Variants in IL33 observed in about 807,000 individuals in gnomAD.
The protein encoded by IL33 is interleukin 33, also known as interleukin-33.
In IL33, 37 loss-of-function variants were observed where a neutral mutation model predicts 27.3. The ratio of observed to expected loss-of-function variants is 1.36; its 90% CI spans 1.04 to 1.78. The LOEUF is 1.78. Among genes scored for constraint, IL33 ranks in the 40% most tolerant of loss-of-function variants. The pLI is 0.00. For synonymous variants in IL33, 132 were observed against 102.9 expected, an observed-to-expected ratio of 1.28 and a Z score of -1.71; for missense variants, 406 against 311.4, an observed-to-expected ratio of 1.30 and a Z score of -2.29.
At chr9:6,228,140 T>C (rs1422196792) in intron 1 of IL33, among the ~76,000 whole-genome samples, 5 of 152,202 alleles carry the variant, frequency 3.3e-5, no homozygotes, top group Non-Finnish European at 7.4e-5. Context: ...AAACACTATA[T>C]AAGGGCTAAT....
intron 1 of IL33, among the ~76,000 whole-genome samples, chr9:6,240,240 G>C (rs1156924544): frequency 3.9e-5 from 6 of 152,104 alleles, no homozygotes; most frequent in African/African-American, 1.4e-4. Flanking sequence ...GTGCATTTTG[G>C]TTTTATGCAT....
At chr9:6,242,114 T>C (rs1002839807) in intron 2 of IL33, 1 of 166,398 alleles carries the variant, frequency 6.0e-6, no homozygotes, top group South Asian at 1.9e-4. Context: ...CAAAACCTTT[T>C]CCCTGATAAA....
chr9:6,233,297 AT>A (rs1451307703), intron 1 of IL33, among the ~76,000 whole-genome samples: 1 of 152,296 alleles, frequency 6.6e-6, no homozygotes, highest in East Asian at 1.9e-4. Context: ...GATTGAAGCC[AT>A]TTTATAAGAC....
At chr9:6,249,606 T>C (rs759462754) in intron 2 of IL33, among the ~76,000 whole-genome samples, 1 of 152,236 alleles carries the variant, frequency 6.6e-6, no homozygotes, top group African/African-American at 2.4e-5. Flanking sequence ...TAATTTGAAT[T>C]TGCATTTTGT....
At position 6,256,092 on chromosome 9, in the gene IL33, A is replaced by T. The variant is rs1587676610; in HGVS notation, c.737A>T (p.His246Leu). The T allele has an allele frequency of 6.2e-7, 1 of 1,613,340 alleles. No homozygotes were observed. The highest frequency in any genetic ancestry group is 8.5e-7 in the Non-Finnish European group (1 of 1,179,364). The change falls in exon 8 of 8, where the codon CAT becomes CTT. Residue 246 changes from histidine (H) to leucine (L), a missense_variant. Physicochemically the swap from His to Leu is moderately conservative, Grantham distance 99. Coordinates refer to ENST00000682010, the MANE Select transcript of IL33 (RefSeq NM_033439.4). ...PGVFIGVKDN[H>L]LALIKVDSSE... ...GTGTTTATAGGTGTAAAGGATAATCATCTTGCTCTGATTAAAGTAGACTCT... is the reference window on the plus strand; with the variant it reads ...GTGTTTATAGGTGTAAAGGATAATCTTCTTGCTCTGATTAAAGTAGACTCT...
rs149309439 is a variant in IL33, at chr9:6,222,616, C to G, written c.-12+6764C>G. Among the ~76,000 whole-genome samples the G allele has an allele frequency of 7.4e-4, 113 of 152,282 alleles. 1 individual carries two copies. The highest frequency in any genetic ancestry group is 2.5e-3 in the African/African-American group (102 of 41,564). ...CCTGCAAAAGTTATGCTTTCTGTAA[C>G]TTTAGTCTTGGCACAAGGAAAAACT... is the stretch of plus-strand genomic sequence containing the variant. On this transcript the variant is annotated intron_variant, in intron 1 of 7. Transcript: ENST00000682010.
intron 1 of IL33, 76 bp from the exon 2 acceptor site, chr9:6,241,608 A>T: frequency 2.6e-6 from 2 of 762,100 alleles, no homozygotes; most frequent in South Asian, 3.6e-5. Context: ...CCAATTTGGT[A>T]GTGAGCTAGC....
chr9:6,250,555 G>A lies in IL33; in HGVS notation c.173G>A (p.Cys58Tyr). Residue 58 changes from cysteine to tyrosine, a missense_variant, in exon 3 of 8, where the codon TGT becomes TAT. Transcript: ENST00000682010. ...RSGLMIKKEA[C>Y]YFRRETTKRP... The stretch of plus-strand genomic sequence containing the variant: ...GGCCTTATGATAAAAAAGGAGGCCT[G>A]TTACTTTAGGAGAGAAACCACCAAA... 2 of 1,613,976 alleles carry A rather than the reference G, an allele frequency of 1.2e-6. No individual in the cohort carries two copies. Among genetic ancestry groups the A allele is most frequent in the East Asian group, 2.2e-5 (1 of 44,862 alleles).
rs557243409 is a variant in IL33, at chr9:6,219,986, T to C, written c.-12+4134T>C. Among the ~76,000 whole-genome samples the C allele has an allele frequency of 1.3e-4, 20 of 152,344 alleles. 1 individual carries two copies. The East Asian group carries it at 3.7e-3, about 28-fold the overall frequency. On this transcript the variant is annotated intron_variant, in intron 1 of 7. Transcript: ENST00000682010. ...CATTTAGTGCATCTCTAATCCTCTTTGTGAAGCTATTTTCTTATTCAAAGT... is the reference window on the plus strand; with the variant it reads ...CATTTAGTGCATCTCTAATCCTCTTCGTGAAGCTATTTTCTTATTCAAAGT...
intron 1 of IL33, among the ~76,000 whole-genome samples, chr9:6,233,006 C>G (rs1185830332): frequency 1.3e-5 from 2 of 152,178 alleles, no homozygotes; most frequent in Admixed American, 6.5e-5. Flanking sequence ...TGTGGTAAAA[C>G]ATACATAATA....
intron 7 of IL33, among the ~76,000 whole-genome samples, 172 bp from the exon 8 acceptor site, chr9:6,255,796 C>T (rs1290911836): frequency 6.6e-6 from 1 of 152,098 alleles, no homozygotes; most frequent in East Asian, 1.9e-4. Flanking sequence ...CCCACTACCC[C>T]TCTGGCCCTC....
intron 1 of IL33, among the ~76,000 whole-genome samples, chr9:6,238,059 G>A (rs1157174130): frequency 1.3e-5 from 2 of 152,188 alleles, no homozygotes. Flanking sequence ...AAGAAAGGCT[G>A]AGTGTTTGGA....
At chr9:6,253,238 T>C (rs1377660681) in intron 5 of IL33, among the ~76,000 whole-genome samples, 2 of 152,154 alleles carry the variant, frequency 1.3e-5, no homozygotes, top group African/African-American at 2.4e-5. Flanking sequence ...TTGTGAAAGA[T>C]GGAAAGAGGG....
At chr9:6,252,347 T>C (rs1246807676) in intron 4 of IL33, among the ~76,000 whole-genome samples, 10 of 152,164 alleles carry the variant, frequency 6.6e-5, no homozygotes, top group Admixed American at 6.6e-4. Flanking sequence ...ATTATCATTT[T>C]CTATGGGTAT....
chr9:6,256,598 C>T lies in IL33; in HGVS notation c.*430C>T. The T allele has an allele frequency of 3.2e-6, 1 of 311,638 alleles. No individual in the cohort carries two copies. The highest frequency in any genetic ancestry group is 5.9e-6 in the Non-Finnish European group (1 of 170,898). The allele number at this position is 311,638 out of a possible 1,614,324, so 19.3% of individuals were successfully genotyped here. On this transcript the variant is annotated 3_prime_UTR_variant, in exon 8 of 8. Transcript: ENST00000682010. Reference sequence around the variant, plus strand: ...TTTCCACAGTTCCAAACGATAGGCTCAAACACTAGAGCTGCTAGTAAAAAG... The same window carrying T: ...TTTCCACAGTTCCAAACGATAGGCTTAAACACTAGAGCTGCTAGTAAAAAG...
chr9:6,224,309 G>A (rs1057172518), intron 1 of IL33, among the ~76,000 whole-genome samples: 10 of 152,164 alleles, frequency 6.6e-5, no homozygotes, highest in African/African-American at 2.4e-4. Context: ...TCTTATTAAT[G>A]TTTTATGTGT....
At chr9:6,250,624 G>A (rs1166970749) in intron 3 of IL33, 25 bp downstream of exon 3, 1 of 1,604,732 alleles carries the variant, frequency 6.2e-7, no homozygotes, top group South Asian at 1.1e-5. Context: ...ACATTCTCTG[G>A]CAATAGTGAT....
At chr9:6,228,150 T>C (rs1439717646) in intron 1 of IL33, among the ~76,000 whole-genome samples, 1 of 152,192 alleles carries the variant, frequency 6.6e-6, no homozygotes, top group Non-Finnish European at 1.5e-5. Context: ...TAAGGGCTAA[T>C]TGTAAAAAAT....
intron 1 of IL33, among the ~76,000 whole-genome samples, chr9:6,236,290 T>A (rs1295020621): frequency 6.6e-6 from 1 of 152,172 alleles, no homozygotes; most frequent in Non-Finnish European, 1.5e-5. Flanking sequence ...ATTCTATTTT[T>A]TAAATAAAAG....
Sources: gnomAD v4.1 joint callset for allele counts (sites outside exome capture counted in the v4.1 genomes callset) on GRCh38, gnomAD v4.1.1 for gene constraint, MANE v1.5 for transcripts, NCBI Gene and HGNC (gene_info 2026-07-23, HGNC 2026-07-21) for gene names.